The following SFMBT1 variants were observed in gnomAD, a reference collection of about 807,000 sequenced individuals.
SFMBT1 encodes Scm like with four mbt domains 1.
In SFMBT1, 32 loss-of-function variants were observed where a neutral mutation model predicts 108.7. The ratio of observed to expected loss-of-function variants is 0.29; its 90% CI spans 0.22 to 0.40. SFMBT1 has a LOEUF of 0.40. SFMBT1 is among the 10% of genes least tolerant of loss of function. The pLI is 1.00. For missense variants in SFMBT1, 816 were observed against 1,059.6 expected, an observed-to-expected ratio of 0.77 and a Z score of 3.19; for synonymous variants, 348 against 369.5, an observed-to-expected ratio of 0.94 and a Z score of 0.67.
chr3:52,984,252 T>C (rs943065555), intron 1 of SFMBT1, among the ~76,000 whole-genome samples: 17 of 152,254 alleles, frequency 1.1e-4, no homozygotes, highest in African/African-American at 3.9e-4. Flanking sequence ...AGGTTTGTTC[T>C]TGGAGTTTTC....
intron 1 of SFMBT1, among the ~76,000 whole-genome samples, chr3:52,993,228 G>A (rs553522290): frequency 7.3e-6 from 1 of 136,456 alleles, no homozygotes; most frequent in South Asian, 2.3e-4. Flanking sequence ...TGTAGTTTTT[G>A]CACTGTGTAG....
At chr3:53,028,745 CA>C (rs2091570782) in intron 1 of SFMBT1, among the ~76,000 whole-genome samples, 1 of 152,144 alleles carries the variant, frequency 6.6e-6, no homozygotes, top group Admixed American at 6.5e-5. Context: ...CATAGCAGAG[CA>C]AACACAACTC....
chr3:53,023,936 T>C (rs895892744), intron 1 of SFMBT1, among the ~76,000 whole-genome samples: 5 of 152,190 alleles, frequency 3.3e-5, no homozygotes, highest in African/African-American at 1.2e-4. Context: ...CATTCATCCA[T>C]TCATTCAACA....
chr3:53,005,772 T>C (rs897522976), intron 1 of SFMBT1, among the ~76,000 whole-genome samples: 1 of 152,250 alleles, frequency 6.6e-6, no homozygotes, highest in African/African-American at 2.4e-5. Flanking sequence ...TTTATTTTTC[T>C]ACCTGGGATG....
At chr3:52,979,470 C>T (rs1016090969) in intron 1 of SFMBT1, among the ~76,000 whole-genome samples, 2 of 152,216 alleles carry the variant, frequency 1.3e-5, no homozygotes, top group Non-Finnish European at 2.9e-5. Flanking sequence ...ACAAAGTCTT[C>T]ACAAATCATT....
Position 53,020,068 on chromosome 3 carries a change from AT to A in SFMBT1, c.-131+25747del, listed in dbSNP as rs957875218. ...CTTAGTCTAAAACCAGTACATAAAG[AT>A]TTTTTTTTTTCTTGCCGTGGCCAGT... On this transcript the variant is annotated intron_variant, in intron 1 of 20. Coordinates refer to ENST00000394752, the MANE Select transcript of SFMBT1 (RefSeq NM_016329.4). Among the ~76,000 whole-genome samples, 99 of 147,534 alleles carry A rather than the reference AT, an allele frequency of 6.7e-4. 1 individual carries two copies. The highest frequency in any genetic ancestry group is 1.9e-3 in the South Asian group (9 of 4,662).
intron 1 of SFMBT1, among the ~76,000 whole-genome samples, chr3:53,034,071 C>CAAAAAAAAAA (rs61046895): frequency 3.5e-5 from 1 of 28,696 alleles, no homozygotes; most frequent in Non-Finnish European, 6.5e-5. Flanking sequence ...ACTCTGTCTC[C>CAAAAAAAAAA]AAAAAAAAAA....
chr3:53,009,992 G>A (rs916847493), intron 1 of SFMBT1, among the ~76,000 whole-genome samples: 5 of 152,122 alleles, frequency 3.3e-5, no homozygotes, highest in South Asian at 2.1e-4. Flanking sequence ...TCCACATAAA[G>A]TGGACCCATG....
chr3:52,986,131 A>G (rs1704904841), intron 1 of SFMBT1, among the ~76,000 whole-genome samples: 1 of 140,068 alleles, frequency 7.1e-6, no homozygotes, highest in South Asian at 2.4e-4. Flanking sequence ...AGACAGAGTG[A>G]GACTCCGTCT....
intron 1 of SFMBT1, among the ~76,000 whole-genome samples, chr3:53,015,209 C>A (rs1406874262): frequency 1.3e-5 from 2 of 148,684 alleles, no homozygotes; most frequent in African/African-American, 2.5e-5. Context: ...GAGACCCTGT[C>A]CCAAGGAAAA....
At chr3:52,978,294 G>C (rs551433249) in intron 1 of SFMBT1, among the ~76,000 whole-genome samples, 57 of 152,056 alleles carry the variant, frequency 3.7e-4, no homozygotes, top group Non-Finnish European at 6.8e-4. Context: ...GCATGTGAGA[G>C]TGAGCTATGT....
At chr3:52,960,578 T>A (rs1488286048) in intron 2 of SFMBT1, among the ~76,000 whole-genome samples, 1 of 152,178 alleles carries the variant, frequency 6.6e-6, no homozygotes, top group African/African-American at 2.4e-5. Flanking sequence ...TATAGAAAAC[T>A]GTACAGTACT....
chr3:53,045,006 G>A (rs1329158414), intron 1 of SFMBT1: 1 of 152,308 alleles, frequency 6.6e-6, no homozygotes, highest in East Asian at 1.9e-4. Flanking sequence ...CACAGAGCAG[G>A]CCTTGCTTCC....
intron 1 of SFMBT1, among the ~76,000 whole-genome samples, chr3:53,033,759 C>G (rs931994999): frequency 8.2e-5 from 12 of 145,520 alleles, no homozygotes; most frequent in Non-Finnish European, 1.6e-4. Flanking sequence ...CATTATCACA[C>G]CAAAAAAGAC....
At chr3:52,927,498 CCAAT>C (rs1439476539) in intron 9 of SFMBT1, among the ~76,000 whole-genome samples, 2 of 152,078 alleles carry the variant, frequency 1.3e-5, no homozygotes, top group African/African-American at 2.4e-5. Flanking sequence ...ATATAGACTG[CCAAT>C]CAAATAATCT....
intron 1 of SFMBT1, among the ~76,000 whole-genome samples, chr3:53,027,257 TCAAAA>T (rs973956516): frequency 1.6e-4 from 25 of 152,290 alleles, no homozygotes; most frequent in Middle Eastern, 3.4e-3. Context: ...AAATCCTTTC[TCAAAA>T]CAAAACTCTA....
chr3:52,967,890 C>T (rs1704200230), intron 2 of SFMBT1, among the ~76,000 whole-genome samples: 1 of 152,206 alleles, frequency 6.6e-6, no homozygotes, highest in Non-Finnish European at 1.5e-5. Context: ...TAAAATGGCA[C>T]AGCCACTCTG....
In SFMBT1 at chr3:52,943,369, G is replaced by A; in HGVS notation, c.348C>T (p.Thr116=). ...TTTCATTACCTTCTGGGGCTTCAAG[G>A]GTCTTCTTATTCTGCTCACACCACC... ...PIGWCEQNKK[T]LEAPEGIRDK... Residue 116 remains threonine, a synonymous_variant, in exon 4 of 21, where the codon ACC becomes ACT. Coordinates refer to ENST00000394752, the MANE Select transcript of SFMBT1 (RefSeq NM_016329.4). 1.2e-6 allele frequency: 2 copies of A among 1,614,134 alleles called. No homozygotes were observed. The highest frequency in any genetic ancestry group is 1.7e-6 in the Non-Finnish European group (2 of 1,180,012).
chr3:52,956,075 C>A (rs1396705196), intron 2 of SFMBT1, among the ~76,000 whole-genome samples: 1 of 152,188 alleles, frequency 6.6e-6, no homozygotes, highest in Non-Finnish European at 1.5e-5. Flanking sequence ...AAACGTAGTT[C>A]ATCACATAAA....
Sources: allele counts gnomAD v4.1 joint callset (sites outside exome capture counted in the v4.1 genomes callset), GRCh38; gene constraint gnomAD v4.1.1; transcripts MANE v1.5; gene names NCBI Gene and HGNC (gene_info 2026-07-23, HGNC 2026-07-21).